TMCC1: variants seen among roughly 807,000 people sequenced by gnomAD.
TMCC1 encodes transmembrane and coiled-coil domains protein 1.
A neutral mutation model predicts 52.4 loss-of-function variants in TMCC1; 15 were observed. That is an observed-to-expected ratio of 0.29 (90% CI 0.19 to 0.44). The LOEUF is 0.44. TMCC1 is among the 20% of genes least tolerant of loss of function. The pLI is 1.00. For missense variants in TMCC1, 503 were observed against 806.0 expected (o/e 0.62, Z 4.55); for synonymous variants, 279 against 301.9 (o/e 0.92, Z 0.79).
rs71155567 is a variant in TMCC1 at position 129,712,001 on chromosome 3, C to CAAAAAAA, written c.577-40744_577-40738dup. The stretch of plus-strand genomic sequence containing the variant: ...TGGGCGACAGAGTGAGACTCTGTCT[C>CAAAAAAA]AAAAAAAAAAAAAAAAAAAAAAAAA... On this transcript the variant is annotated intron_variant, in intron 4 of 6. Coordinates refer to ENST00000393238, the MANE Select transcript of TMCC1 (RefSeq NM_001017395.5). Among the ~76,000 whole-genome samples the CAAAAAAA allele has an allele frequency of 1.9e-4, 9 of 47,720 alleles. 2 individuals are homozygous for CAAAAAAA. Among genetic ancestry groups the CAAAAAAA allele is most frequent in the African/African-American group, 9.5e-4 (9 of 9,494 alleles). 31.3% of individuals were successfully genotyped at this position (47,720 alleles called of 152,430 possible).
At chr3:129,874,290 A>G (rs563974030) in intron 2 of TMCC1, among the ~76,000 whole-genome samples, 1 of 152,330 alleles carries the variant, frequency 6.6e-6, no homozygotes, top group South Asian at 2.1e-4. Flanking sequence ...CCTAAAAATT[A>G]TTGTTTGCCT....
chr3:129,850,092 TAGAAAAA>T, intron 2 of TMCC1, among the ~76,000 whole-genome samples: 1 of 151,930 alleles, frequency 6.6e-6, no homozygotes. Context: ...TAATTCCTGA[TAGAAAAA>T]AAAATGTGGA....
At chr3:129,678,348 A>C (rs1397639602) in intron 4 of TMCC1, among the ~76,000 whole-genome samples, 1 of 135,800 alleles carries the variant, frequency 7.4e-6, no homozygotes, top group Non-Finnish European at 1.6e-5. Context: ...TGGCATGTAC[A>C]TTGTTTAATT....
At chr3:129,739,005 T>A (rs1024748945) in intron 4 of TMCC1, among the ~76,000 whole-genome samples, 2 of 151,560 alleles carry the variant, frequency 1.3e-5, no homozygotes, top group Non-Finnish European at 2.9e-5. Context: ...TTTGTAGAGA[T>A]GGGGTTTTGC....
intron 4 of TMCC1, chr3:129,688,550 A>G: frequency 1.0e-6 from 1 of 985,560 alleles, no homozygotes; most frequent in Non-Finnish European, 1.2e-6. Flanking sequence ...TCGCATAGCC[A>G]ATCCTCCGCA....
intron 4 of TMCC1, among the ~76,000 whole-genome samples, chr3:129,698,497 ATC>A (rs943533915): frequency 6.6e-6 from 1 of 152,154 alleles, no homozygotes; most frequent in Admixed American, 6.6e-5. Context: ...GAGAATATAA[ATC>A]TCTTTGAGTC....
rs1483332756 is a variant in TMCC1 at position 129,650,561 on chromosome 3, A to C, written c.*920T>G. The C allele has an allele frequency of 2.6e-5, 4 of 152,594 alleles. No homozygotes were observed. Among genetic ancestry groups the C allele is most frequent in the Admixed American group, 6.6e-5 (1 of 15,264 alleles). 9.5% of individuals were successfully genotyped at this position (152,594 alleles called of 1,614,324 possible). A position where few individuals can be genotyped will look rare whatever the true frequency, so the allele number is the denominator to read the frequency against. Reference sequence around the variant, plus strand: ...AAATATCCACACATTTCTTCATTTAAAAACATCACTTCTTTATTTCAAAGG... The same window carrying C: ...AAATATCCACACATTTCTTCATTTACAAACATCACTTCTTTATTTCAAAGG... On this transcript the variant is annotated 3_prime_UTR_variant, in exon 7 of 7. Coordinates refer to ENST00000393238, the MANE Select transcript of TMCC1 (RefSeq NM_001017395.5).
rs1324390329 is a variant in TMCC1, at chr3:129,676,965, G to GA, written c.577-5702dup. The stretch of plus-strand genomic sequence containing the variant: ...AAATCCAAATACCTATTTGTAACTA[G>GA]AAAAAATTAATAAATTGACCAGGTG... On this transcript the variant is annotated intron_variant, in intron 4 of 6. Transcript: ENST00000393238. 4.6e-5 allele frequency among the ~76,000 whole-genome samples: 7 copies of GA among 151,970 alleles called. No homozygotes were observed. The East Asian group carries it at 1.2e-3, about 25-fold the overall frequency.
At chr3:129,816,429 T>C (rs1357373749) in intron 4 of TMCC1, among the ~76,000 whole-genome samples, 1 of 152,202 alleles carries the variant, frequency 6.6e-6, no homozygotes, top group Non-Finnish European at 1.5e-5. Context: ...TCCTTTCATT[T>C]GCAGCAACAT....
intron 4 of TMCC1, among the ~76,000 whole-genome samples, chr3:129,806,189 G>A (rs939128247): frequency 7.9e-5 from 12 of 152,144 alleles, no homozygotes; most frequent in African/African-American, 2.4e-4. Context: ...TGGATTAAAC[G>A]CGGAGGGTTG....
At chr3:129,746,026 G>A (rs895573873) in intron 4 of TMCC1, among the ~76,000 whole-genome samples, 3 of 151,510 alleles carry the variant, frequency 2.0e-5, no homozygotes, top group African/African-American at 7.3e-5. Flanking sequence ...CAAAGTGCTG[G>A]GATTACAGAC....
At chr3:129,684,244 A>G (rs188056866) in intron 4 of TMCC1, among the ~76,000 whole-genome samples, 4 of 152,382 alleles carry the variant, frequency 2.6e-5, no homozygotes, top group South Asian at 2.1e-4. Flanking sequence ...CTGAGAATCA[A>G]TGCACACCAG....
At chr3:129,784,894 C>T (rs991543968) in intron 4 of TMCC1, among the ~76,000 whole-genome samples, 2 of 150,940 alleles carry the variant, frequency 1.3e-5, no homozygotes, top group Non-Finnish European at 3.0e-5. Flanking sequence ...TTTAGTAATC[C>T]CCTTCAGCCC....
intron 4 of TMCC1, among the ~76,000 whole-genome samples, chr3:129,691,666 C>T (rs530086864): frequency 6.6e-6 from 1 of 152,206 alleles, no homozygotes; most frequent in African/African-American, 2.4e-5. Flanking sequence ...TGCCTGTAGT[C>T]CCAGCTACTT....
In TMCC1 at chr3:129,670,947, T is replaced by C. The variant is rs1323129634; in HGVS notation, c.894A>G (p.Lys298=). ...TGAGCTTCCTGTGGTAGTGCTCAAG[T>C]TTCTTTTGCAGCTGGAGGATAGTTT... is the stretch of plus-strand genomic sequence containing the variant. ...SAQTILQLQK[K]LEHYHRKLRE... is the part of the protein sequence containing the mutation. The change falls in exon 5 of 7, where the codon AAA becomes AAG. Residue 298 remains lysine (K), a synonymous_variant. Transcript: ENST00000393238. 4 of 1,614,212 alleles carry C rather than the reference T, an allele frequency of 2.5e-6. No individual in the cohort carries two copies. The highest frequency in any genetic ancestry group is 3.4e-6 in the Non-Finnish European group (4 of 1,180,032).
At chr3:129,754,106 A>C (rs1353833326) in intron 4 of TMCC1, among the ~76,000 whole-genome samples, 1 of 152,232 alleles carries the variant, frequency 6.6e-6, no homozygotes, top group Non-Finnish European at 1.5e-5. Context: ...CTGAAATCCC[A>C]AATTAAAAAG....
chr3:129,746,610 G>A (rs2051998805), intron 4 of TMCC1, among the ~76,000 whole-genome samples: 1 of 152,048 alleles, frequency 6.6e-6, no homozygotes. Flanking sequence ...AATAATAGGT[G>A]TTTTCCCCTA....
At chr3:129,731,040 G>T (rs552284548) in intron 4 of TMCC1, among the ~76,000 whole-genome samples, 1 of 152,268 alleles carries the variant, frequency 6.6e-6, no homozygotes, top group African/African-American at 2.4e-5. Flanking sequence ...ACCCGGAGAA[G>T]ATCTGTTAAA....
At chr3:129,824,046 T>C (rs1238133751) in intron 4 of TMCC1, among the ~76,000 whole-genome samples, 1 of 152,072 alleles carries the variant, frequency 6.6e-6, no homozygotes, top group Non-Finnish European at 1.5e-5. Context: ...AACAAACAAA[T>C]GAACTTTGGC....
Sources: gnomAD v4.1 joint callset for allele counts (sites outside exome capture counted in the v4.1 genomes callset) on GRCh38, gnomAD v4.1.1 for gene constraint, MANE v1.5 for transcripts, NCBI Gene and HGNC (gene_info 2026-07-23, HGNC 2026-07-21) for gene names.